CAPS2: variants seen among roughly 807,000 people sequenced by gnomAD.
CAPS2 encodes the protein calcyphosin-2.
In CAPS2, 98 loss-of-function variants were observed where a neutral mutation model predicts 86.5. The ratio of observed to expected loss-of-function variants is 1.13; its 90% CI spans 0.96 to 1.34. CAPS2 has a LOEUF of 1.34. Among genes scored for constraint, CAPS2 ranks in the 40% most tolerant of loss-of-function variants. The pLI, the probability that CAPS2 is intolerant of heterozygous loss-of-function variation, is 0.00. For missense variants in CAPS2, 729 were observed against 686.8 expected (o/e 1.06, Z -0.69); for synonymous variants, 210 against 225.1 (o/e 0.93, Z 0.60).
chr12:75,331,640 T>TG (rs1396524698), upstream of CAPS2, among the ~76,000 whole-genome samples: 1 of 151,268 alleles, frequency 6.6e-6, no homozygotes, highest in Non-Finnish European at 1.5e-5. Context: ...CTCGGCTCAC[T>TG]GCAAGCTCCG....
chr12:75,327,218 T>C (rs746878918), upstream of CAPS2, among the ~76,000 whole-genome samples: 2 of 152,226 alleles, frequency 1.3e-5, no homozygotes, highest in East Asian at 1.9e-4. Flanking sequence ...CCATGACATA[T>C]ACATTTATTT....
chr12:75,285,398 T>C (rs867286968), intron 14 of CAPS2, among the ~76,000 whole-genome samples: 31 of 152,038 alleles, frequency 2.0e-4, no homozygotes, highest in Admixed American at 2.0e-4. Flanking sequence ...TCAATACATG[T>C]GTACATTGTA....
chr12:75,361,036 G>A (rs2139590390), intron 1 of CAPS2: 1 of 152,204 alleles, frequency 6.6e-6, no homozygotes, highest in Admixed American at 6.5e-5. Flanking sequence ...AGTGAGTGGA[G>A]TAGAATTAAT....
chr12:75,351,240 G>A lies in CAPS2; in HGVS notation c.-394-28018C>T, dbSNP rs1027286184. Among the ~76,000 whole-genome samples, 19 of 152,178 alleles carry A rather than the reference G, an allele frequency of 1.2e-4. 1 individual carries two copies. ...GGTACCTGAAATAAATGGGGAGAAA[G>A]AACTGAGTTGGAAAACACACTTCAG... is the stretch of plus-strand genomic sequence containing the variant. On this transcript the variant is annotated intron_variant, in intron 1 of 5. Coordinates refer to the CAPS2 transcript ENST00000551829.
At chr12:75,350,308 T>C (rs2042722086) in intron 1 of CAPS2, among the ~76,000 whole-genome samples, 1 of 152,220 alleles carries the variant, frequency 6.6e-6, no homozygotes. Flanking sequence ...CCTTTTCTGA[T>C]GGCAAGCTCT....
At chr12:75,337,621 T>G (rs969664713) in intron 1 of CAPS2, among the ~76,000 whole-genome samples, 2 of 152,016 alleles carry the variant, frequency 1.3e-5, no homozygotes, top group African/African-American at 4.8e-5. Context: ...TGTACAATTT[T>G]TTTTACATAT....
chr12:75,338,361 C>T (rs1045169914), intron 1 of CAPS2, among the ~76,000 whole-genome samples: 7 of 152,056 alleles, frequency 4.6e-5, no homozygotes, highest in African/African-American at 1.7e-4. Flanking sequence ...AATGAAAAAT[C>T]TGTGAGAAAT....
chr12:75,289,328 T>C (rs764747642), intron 14 of CAPS2, among the ~76,000 whole-genome samples: 8 of 152,188 alleles, frequency 5.3e-5, no homozygotes, highest in Non-Finnish European at 1.0e-4. Flanking sequence ...CATTCTCCAC[T>C]GAATACATAT....
intron 1 of CAPS2, among the ~76,000 whole-genome samples, chr12:75,346,053 C>T (rs978598337): frequency 6.6e-6 from 1 of 152,100 alleles, no homozygotes; most frequent in Non-Finnish European, 1.5e-5. Flanking sequence ...AGAGTTACAT[C>T]CAATGTTCAT....
At chr12:75,299,206 C>T (rs560453251) in intron 9 of CAPS2, among the ~76,000 whole-genome samples, 4 of 152,174 alleles carry the variant, frequency 2.6e-5, no homozygotes, top group East Asian at 3.9e-4. Context: ...GATATATTTA[C>T]GATGTACATT....
intron 1 of CAPS2, among the ~76,000 whole-genome samples, chr12:75,344,143 T>A (rs988878209): frequency 5.9e-5 from 9 of 152,130 alleles, no homozygotes; most frequent in Non-Finnish European, 1.3e-4. Flanking sequence ...TTTTTGAAGT[T>A]GTAAGTCTAT....
At chr12:75,346,708 ATT>A (rs951187214) in intron 1 of CAPS2, among the ~76,000 whole-genome samples, 5 of 151,928 alleles carry the variant, frequency 3.3e-5, no homozygotes, top group African/African-American at 1.2e-4. Context: ...GCTGGTAAAT[ATT>A]TTTTTTGCTG....
chr12:75,390,094 A>G (rs1409167053), intron 1 of CAPS2, among the ~76,000 whole-genome samples: 1 of 152,234 alleles, frequency 6.6e-6, no homozygotes, highest in Non-Finnish European at 1.5e-5. Flanking sequence ...AATTTTCCAT[A>G]TCTGCTTAAT....
At chr12:75,366,872 A>G (rs1461054999) in intron 1 of CAPS2, 1 of 701,320 alleles carries the variant, frequency 1.4e-6, no homozygotes, top group Non-Finnish European at 2.6e-6. Context: ...TTTTAAAACT[A>G]ATTTTGTTGA....
At chr12:75,284,815 A>T in intron 15 of CAPS2, 146 bp downstream of exon 15, 1 of 622,698 alleles carries the variant, frequency 1.6e-6, no homozygotes, top group South Asian at 2.7e-5. Context: ...ATTTGTATGC[A>T]TATGGACCTG....
chr12:75,342,112 G>A (rs899614641), intron 1 of CAPS2, among the ~76,000 whole-genome samples: 2 of 152,178 alleles, frequency 1.3e-5, no homozygotes, highest in South Asian at 4.1e-4. Flanking sequence ...ATCGCCAGGG[G>A]TTAAAGATAG....
At chr12:75,354,139 C>G (rs778278697) in intron 1 of CAPS2, among the ~76,000 whole-genome samples, 22 of 131,808 alleles carry the variant, frequency 1.7e-4, no homozygotes, top group Non-Finnish European at 3.2e-4. Flanking sequence ...GAAGTTCTGG[C>G]CAGAGCAATC....
chr12:75,382,659 A>G (rs1301374673), intron 1 of CAPS2, among the ~76,000 whole-genome samples: 2 of 152,036 alleles, frequency 1.3e-5, no homozygotes, highest in African/African-American at 4.8e-5. Context: ...AAGAAGAAGA[A>G]TTTTAAAAAA....
intron 7 of CAPS2, chr12:75,306,212 C>T: frequency 2.9e-6 from 2 of 692,904 alleles, no homozygotes; most frequent in Non-Finnish European, 5.0e-6. Context: ...CTGGTGTTCC[C>T]GGGCCAGCCG....
Sources: gnomAD v4.1 joint callset for allele counts (sites outside exome capture counted in the v4.1 genomes callset) on GRCh38, gnomAD v4.1.1 for gene constraint, MANE v1.5 for transcripts, NCBI Gene and HGNC (gene_info 2026-07-23, HGNC 2026-07-21) for gene names.